GMCL1: variants seen among roughly 807,000 people sequenced by gnomAD.
GMCL1 encodes germ cell-less protein-like 1.
A neutral mutation model predicts 75.5 loss-of-function variants in GMCL1; 54 were observed. The ratio of observed to expected loss-of-function variants is 0.71; its 90% confidence interval spans 0.57 to 0.90. The LOEUF (loss-of-function observed/expected upper bound fraction) is 0.90, where lower values mean the gene tolerates loss of function less well. GMCL1 is among the 40% of genes least tolerant of loss of function. The pLI, the probability that GMCL1 is intolerant of heterozygous loss-of-function variation, is 0.00. For synonymous variants in GMCL1, 210 were observed against 209.6 expected, an observed-to-expected ratio of 1.00 and a Z score of -0.02; for missense variants, 537 against 622.7, an observed-to-expected ratio of 0.86 and a Z score of 1.47.
chr2:69,877,768 T>C (rs1676166268), intron 13 of GMCL1, among the ~76,000 whole-genome samples: 2 of 152,088 alleles, frequency 1.3e-5, no homozygotes, highest in South Asian at 4.1e-4. Context: ...TTTATTCAAA[T>C]TTATCTTCTT....
At chr2:69,847,406 T>C (rs1675185590) in intron 6 of GMCL1, 137 bp from the exon 7 acceptor site, 2 of 692,706 alleles carry the variant, frequency 2.9e-6, no homozygotes, top group Non-Finnish European at 5.2e-6. Flanking sequence ...TAAGATTCTT[T>C]GTCTTGGGCA....
chr2:69,837,412 C>T (rs987946799), intron 1 of GMCL1, 135 bp from the exon 2 acceptor site: 5 of 724,542 alleles, frequency 6.9e-6, no homozygotes, highest in Non-Finnish European at 1.1e-5. Context: ...ATACTATCTC[C>T]CTATCCTTTT....
Position 69,850,944 on chromosome 2 carries a change from T to G in GMCL1, c.934+1202T>G, listed in dbSNP as rs117187503. 1.0e-3 allele frequency among the ~76,000 whole-genome samples: 158 copies of G among 152,346 alleles called. 1 individual carries two copies. The East Asian group carries it at 0.02, about 19-fold the overall frequency. The stretch of plus-strand genomic sequence containing the variant: ...TAATGTCCTTTATAACTAAAGAGAT[T>G]GAATGACTCTTAATATGGTTATTAG... On this transcript the variant is annotated intron_variant, in intron 8 of 13. Transcript: ENST00000282570.
intron 9 of GMCL1, among the ~76,000 whole-genome samples, chr2:69,859,239 A>C (rs1183300476): frequency 6.6e-6 from 1 of 151,830 alleles, no homozygotes; most frequent in African/African-American, 2.4e-5. Context: ...CAATTTTACA[A>C]ATGAGTCATG....
At position 69,877,760 on chromosome 2, in the gene GMCL1, T is replaced by C. The variant is rs1403103700; in HGVS notation, c.1453-1149T>C. On this transcript the variant is annotated intron_variant, in intron 13 of 13. Transcript: ENST00000282570. ...AGACATTTGTACTCTCTACCTTCTT[T>C]ATTCAAATTTATCTTCTTGTTCCCT... is the stretch of plus-strand genomic sequence containing the variant. 2.0e-5 allele frequency among the ~76,000 whole-genome samples: 3 copies of C among 152,156 alleles called. No homozygotes were observed. The East Asian group carries it at 5.8e-4, about 29-fold the overall frequency.
intron 13 of GMCL1, among the ~76,000 whole-genome samples, chr2:69,877,695 A>T (rs934448169): frequency 8.7e-6 from 1 of 114,850 alleles, no homozygotes; most frequent in Admixed American, 1.0e-4. Context: ...ACAGAGAGAG[A>T]GATTGTGTGT....
chr2:69,835,237 G>A (rs1674785637), intron 1 of GMCL1, among the ~76,000 whole-genome samples: 1 of 151,944 alleles, frequency 6.6e-6, no homozygotes, highest in Non-Finnish European at 1.5e-5. Context: ...CTATTCTTTG[G>A]TTTATTTGTT....
In GMCL1 at chr2:69,844,131, G is replaced by A. The variant is rs1449609495; in HGVS notation, c.693G>A (p.Lys231=). Residue 231 remains lysine (K), a splice_region_variant and synonymous_variant, in exon 6 of 14, where the codon AAG becomes AAA. Coordinates refer to ENST00000282570, the MANE Select transcript of GMCL1 (RefSeq NM_178439.5). ...TAATAATTATATATTTTAATTTCAG[G>A]TGCCTTGAATGGCTTCTAAACAATT... ...GTYGLDSVKK[K]CLEWLLNNLM... 1.3e-6 allele frequency: 2 copies of A among 1,510,774 alleles called. No homozygotes were observed. The highest frequency in any genetic ancestry group is 2.3e-5 in the East Asian group (1 of 42,784). 93.6% of individuals were successfully genotyped at this position (1,510,774 alleles called of 1,614,324 possible).
intron 6 of GMCL1, among the ~76,000 whole-genome samples, chr2:69,846,706 ATAAC>A (rs1675157952): frequency 1.3e-5 from 2 of 152,208 alleles, no homozygotes; most frequent in Non-Finnish European, 1.5e-5. Flanking sequence ...TTCACTCTAA[ATAAC>A]TAGCACGTTT....
intron 11 of GMCL1, among the ~76,000 whole-genome samples, chr2:69,868,100 A>G (rs1025308889): frequency 1.3e-5 from 2 of 152,096 alleles, no homozygotes; most frequent in South Asian, 2.1e-4. Context: ...ATGCTCACCT[A>G]TTCAAAAGCT....
At chr2:69,855,583 CTTAA>C (rs1675447465) in intron 9 of GMCL1, among the ~76,000 whole-genome samples, 1 of 151,728 alleles carries the variant, frequency 6.6e-6, no homozygotes, top group Non-Finnish European at 1.5e-5. Flanking sequence ...TTTTTGACAC[CTTAA>C]TTGTGACATA....
At chr2:69,844,369 C>T (rs763294376) in intron 6 of GMCL1, 173 bp downstream of exon 6, 42 of 448,640 alleles carry the variant, frequency 9.4e-5, no homozygotes, top group Non-Finnish European at 1.4e-4. Flanking sequence ...AAACTTATTT[C>T]TTTGTTGTGA....
At chr2:69,871,714 T>C (rs369512826) in intron 12 of GMCL1, 31 bp from the exon 13 acceptor site, 21 of 1,160,090 alleles carry the variant, frequency 1.8e-5, no homozygotes, top group Non-Finnish European at 2.6e-5. Context: ...AAAAATCTTG[T>C]GTTTATTTTT....
In GMCL1 at chr2:69,879,189, A is replaced by G. The variant is rs2104084888; in HGVS notation, c.*185A>G. ...AATACAGAAGATTATTCTTATCCTC[A>G]TTGCATTTCTATGCATATGCGTAAG... On this transcript the variant is annotated 3_prime_UTR_variant, in exon 14 of 14. Transcript: ENST00000282570. The G allele has an allele frequency of 4.3e-6, 2 of 470,338 alleles. No homozygotes were observed. The highest frequency in any genetic ancestry group is 7.6e-6 in the Non-Finnish European group (2 of 264,474). The allele number at this position is 470,338 out of a possible 1,614,324, so 29.1% of individuals were successfully genotyped here.
At chr2:69,863,873 C>T (rs567588009) in intron 10 of GMCL1, among the ~76,000 whole-genome samples, 43 of 152,172 alleles carry the variant, frequency 2.8e-4, no homozygotes, top group Admixed American at 4.6e-4. Context: ...TTTTGGTTTT[C>T]TGTTATGCTC....
At chr2:69,843,358 T>A in intron 5 of GMCL1, 97 bp downstream of exon 5, 3 of 615,410 alleles carry the variant, frequency 4.9e-6, no homozygotes, top group Middle Eastern at 2.7e-4. Flanking sequence ...AAGAAAGAAT[T>A]AAGGAAAAAT....
chr2:69,830,100 G>A lies in GMCL1; in HGVS notation c.208G>A (p.Glu70Lys). ...CYCHPDSETD[E>K]DEEEGDEQQR... is the part of the protein sequence containing the mutation. ...CTGTCACCCTGACTCGGAGACGGACGAGGATGAGGAGGAGGGGGACGAGCA... is the reference window on the plus strand; with the variant it reads ...CTGTCACCCTGACTCGGAGACGGACAAGGATGAGGAGGAGGGGGACGAGCA... The change falls in exon 1 of 14, where the codon GAG becomes AAG. Residue 70 changes from glutamate (E) to lysine (K), a missense_variant. Glu to Lys is a moderately conservative substitution (Grantham distance 56, BLOSUM62 1). Coordinates refer to ENST00000282570, the MANE Select transcript of GMCL1 (RefSeq NM_178439.5). 1.3e-6 allele frequency: 2 copies of A among 1,578,444 alleles called. No homozygotes were observed. The highest frequency in any genetic ancestry group is 1.7e-6 in the Non-Finnish European group (2 of 1,161,674).
chr2:69,858,914 G>A (rs192117931), intron 9 of GMCL1, among the ~76,000 whole-genome samples: 282 of 152,114 alleles, frequency 1.9e-3, no homozygotes, highest in African/African-American at 6.2e-3. Flanking sequence ...TTGGAAGGCC[G>A]AGGCAGGTGG....
intron 9 of GMCL1, among the ~76,000 whole-genome samples, chr2:69,860,491 C>T (rs1331449138): frequency 6.6e-6 from 1 of 151,952 alleles, no homozygotes; most frequent in Non-Finnish European, 1.5e-5. Context: ...GTGCATGTTT[C>T]ATCTACGAAT....
Sources: allele counts gnomAD v4.1 joint callset (sites outside exome capture counted in the v4.1 genomes callset), GRCh38; gene constraint gnomAD v4.1.1; transcripts MANE v1.5; gene names NCBI Gene and HGNC (gene_info 2026-07-23, HGNC 2026-07-21).